The following CECR2 variants were observed in gnomAD, a reference collection of about 807,000 sequenced individuals.
The protein encoded by CECR2 is chromatin remodeling regulator CECR2.
In CECR2, 30 loss-of-function variants were observed where a neutral mutation model predicts 154.5. That is an observed-to-expected ratio of 0.19 (90% CI 0.15 to 0.26). The LOEUF (loss-of-function observed/expected upper bound fraction) is 0.26. Among genes scored for constraint, CECR2 ranks in the 10% least tolerant of loss-of-function variants. The pLI, the probability that CECR2 is intolerant of heterozygous loss-of-function variation, is 1.00. For synonymous variants in CECR2, 725 were observed against 683.7 expected, an observed-to-expected ratio of 1.06 and a Z score of -0.94; for missense variants, 1,743 against 1,829.3, an observed-to-expected ratio of 0.95 and a Z score of 0.86.
intron 1 of CECR2, among the ~76,000 whole-genome samples, chr22:17,378,421 T>G (rs1344877949): frequency 6.6e-6 from 1 of 151,278 alleles, no homozygotes; most frequent in Non-Finnish European, 1.5e-5. Context: ...TTCAGCCTCC[T>G]GAGTAGCTGG....
intron 7 of CECR2, 76 bp downstream of exon 7, chr22:17,505,092 C>G: frequency 7.3e-7 from 1 of 1,372,360 alleles, no homozygotes; most frequent in South Asian, 1.3e-5. Context: ...TTCATGAGAC[C>G]TTCCCCATAC....
intron 1 of CECR2, among the ~76,000 whole-genome samples, chr22:17,364,441 TCCAA>T (rs1183913045): frequency 6.6e-6 from 1 of 151,600 alleles, no homozygotes; most frequent in Non-Finnish European, 1.5e-5. Flanking sequence ...ACTCTCCTGG[TCCAA>T]TTTGATTCTG....
chr22:17,373,163 G>GCCT (rs1377572015), intron 1 of CECR2, among the ~76,000 whole-genome samples: 1 of 152,110 alleles, frequency 6.6e-6, no homozygotes, highest in Non-Finnish European at 1.5e-5. Flanking sequence ...CCCAGGTTCA[G>GCCT]GTGATTCTCC....
Position 17,555,719 on chromosome 22 carries a change from A to C in CECR2, c.*2879A>C, listed in dbSNP as rs2056765514. On this transcript the variant is annotated 3_prime_UTR_variant, in exon 19 of 19. Coordinates refer to ENST00000262608, the MANE Select transcript of CECR2 (RefSeq NM_001290047.2). ...ATGTTATATTTAGGAAGTAGTGTGT[A>C]AGGTATCCTGAAAAGGTTTGCTCTC... is the stretch of plus-strand genomic sequence containing the variant. The C allele has an allele frequency of 6.6e-6, 1 of 152,144 alleles. No individual in the cohort carries two copies. The highest frequency in any genetic ancestry group is 1.5e-5 in the Non-Finnish European group (1 of 68,032). The allele number at this position is 152,144 out of a possible 1,614,324, so 9.4% of individuals were successfully genotyped here.
At chr22:17,460,155 C>G (rs919651562) in intron 1 of CECR2, among the ~76,000 whole-genome samples, 7 of 152,170 alleles carry the variant, frequency 4.6e-5, no homozygotes, top group Admixed American at 2.0e-4. Context: ...TATGACACCT[C>G]TCTGTATACA....
chr22:17,433,934 C>T (rs1210957357), intron 1 of CECR2, among the ~76,000 whole-genome samples: 2 of 151,388 alleles, frequency 1.3e-5, no homozygotes, highest in African/African-American at 2.4e-5. Context: ...CAATGGGGAG[C>T]GAATCTAAAA....
intron 1 of CECR2, among the ~76,000 whole-genome samples, chr22:17,426,284 T>TCCTC (rs1240840618): frequency 0.57 from 86,462 of 152,006 alleles, 26,312 homozygotes; most frequent in African/African-American, 0.8. Context: ...TAGGAAAAAA[T>TCCTC]CCTACTTTTT....
At chr22:17,532,378 A>G (rs1373177246) in intron 9 of CECR2, among the ~76,000 whole-genome samples, 1 of 152,154 alleles carries the variant, frequency 6.6e-6, no homozygotes, top group Non-Finnish European at 1.5e-5. Context: ...TCCAGCTTCT[A>G]GTAGTTTCAG....
At chr22:17,455,512 A>G (rs1221313569) in intron 1 of CECR2, among the ~76,000 whole-genome samples, 1 of 152,130 alleles carries the variant, frequency 6.6e-6, no homozygotes, top group Non-Finnish European at 1.5e-5. Context: ...TTTATAGTTC[A>G]TGGTCTATCA....
chr22:17,467,585 C>T (rs912584146), intron 1 of CECR2, among the ~76,000 whole-genome samples: 309 of 152,168 alleles, frequency 2.0e-3, no homozygotes, highest in African/African-American at 7.2e-3. Context: ...AGTTCAAGAC[C>T]AGCCTGGCCA....
intron 12 of CECR2, 115 bp downstream of exon 12, chr22:17,538,846 C>G: frequency 1.5e-6 from 2 of 1,317,528 alleles, no homozygotes; most frequent in Non-Finnish European, 2.1e-6. Context: ...TTTCAACTGT[C>G]AAAAGTTCAT....
At chr22:17,415,416 A>AT (rs2054142862) in intron 1 of CECR2, among the ~76,000 whole-genome samples, 1 of 151,942 alleles carries the variant, frequency 6.6e-6, no homozygotes, top group Non-Finnish European at 1.5e-5. Flanking sequence ...TAATTTTTGT[A>AT]TTTTTTGTAG....
intron 1 of CECR2, among the ~76,000 whole-genome samples, chr22:17,430,959 C>G (rs1032973405): frequency 6.6e-6 from 1 of 152,110 alleles, no homozygotes; most frequent in Middle Eastern, 3.2e-3. Context: ...ACAACAGTGC[C>G]TCGTCTGTGA....
At chr22:17,428,832 A>ATATAT (rs2054374800) in intron 1 of CECR2, among the ~76,000 whole-genome samples, 1 of 63,090 alleles carries the variant, frequency 1.6e-5, no homozygotes, top group African/African-American at 1.2e-4. Flanking sequence ...GTGTGTATAT[A>ATATAT]AAGGCAGCAG....
At chr22:17,380,580 G>A (rs2146468760) in intron 1 of CECR2, among the ~76,000 whole-genome samples, 1 of 152,284 alleles carries the variant, frequency 6.6e-6, no homozygotes, top group Non-Finnish European at 1.5e-5. Flanking sequence ...GAGGCATGTG[G>A]CCACCTGAAT....
intron 1 of CECR2, among the ~76,000 whole-genome samples, chr22:17,385,800 C>T (rs2063252197): frequency 6.6e-6 from 1 of 152,182 alleles, no homozygotes; most frequent in African/African-American, 2.4e-5. Context: ...AAACACAGTA[C>T]AACGAGGTGG....
intron 1 of CECR2, among the ~76,000 whole-genome samples, chr22:17,448,500 C>T (rs2054714195): frequency 6.6e-6 from 1 of 152,122 alleles, no homozygotes; most frequent in African/African-American, 2.4e-5. Flanking sequence ...TGATGAATTC[C>T]CATTTTTGCA....
At chr22:17,482,160 C>CA (rs1184734434) in intron 2 of CECR2, among the ~76,000 whole-genome samples, 4 of 145,048 alleles carry the variant, frequency 2.8e-5, no homozygotes, top group Non-Finnish European at 6.0e-5. Flanking sequence ...CATGGTGACT[C>CA]ACGCCTGCAA....
chr22:17,360,010 T>C (rs1018184790), exon 1 of CECR2: 4 of 152,136 alleles, frequency 2.6e-5, no homozygotes, highest in African/African-American at 9.7e-5. Context: ...CTTGACGCCA[T>C]GTGAAATGAA....
Sources: gnomAD v4.1 joint callset for allele counts (sites outside exome capture counted in the v4.1 genomes callset) on GRCh38, gnomAD v4.1.1 for gene constraint, MANE v1.5 for transcripts, NCBI Gene and HGNC (gene_info 2026-07-23, HGNC 2026-07-21) for gene names.